Variants in UBAP2L observed in about 807,000 individuals in gnomAD.
The protein encoded by UBAP2L is ubiquitin-associated protein 2-like.
A neutral mutation model predicts 130.6 loss-of-function variants in UBAP2L; 12 were observed. The ratio of observed to expected loss-of-function variants is 0.09; its 90% confidence interval spans 0.06 to 0.15. The LOEUF is 0.15. UBAP2L is among the 10% of genes least tolerant of loss of function. UBAP2L has a pLI of 1.00. For synonymous variants in UBAP2L, 503 were observed against 524.7 expected, an observed-to-expected ratio of 0.96 and a Z score of 0.57; for missense variants, 965 against 1,332.5, an observed-to-expected ratio of 0.72 and a Z score of 4.29.
At chr1:154,263,932 T>TA (rs1204300988) in intron 24 of UBAP2L, among the ~76,000 whole-genome samples, 1 of 152,220 alleles carries the variant, frequency 6.6e-6, no homozygotes, top group South Asian at 2.1e-4. Context: ...TAAGATCTGA[T>TA]AAAGTCATTA....
chr1:154,235,484 C>G (rs1671351989), intron 6 of UBAP2L, among the ~76,000 whole-genome samples, 193 bp downstream of exon 6: 1 of 152,062 alleles, frequency 6.6e-6, no homozygotes, highest in South Asian at 2.1e-4. Flanking sequence ...TCCCTAGTAG[C>G]TAAGACTACA....
Position 154,270,585 on chromosome 1 carries a change from C to T in UBAP2L, c.*290C>T. The T allele has an allele frequency of 1.4e-6, 2 of 1,417,098 alleles. No homozygotes were observed. The highest frequency in any genetic ancestry group is 1.8e-4 in the Middle Eastern group (1 of 5,426). 87.8% of individuals were successfully genotyped at this position (1,417,098 alleles called of 1,614,324 possible). A position where few individuals can be genotyped will look rare whatever the true frequency, so the allele number is the denominator to read the frequency against. On this transcript the variant is annotated 3_prime_UTR_variant, in exon 27 of 27. Transcript: ENST00000428931. ...TATGGGCCCTGCACTTCCTTTGCTT[C>T]CTCCTGTTCACCCTGGTGGTGTACG...
Position 154,270,645 on chromosome 1 carries a change from T to G in UBAP2L, c.*350T>G. The G allele has an allele frequency of 7.1e-7, 1 of 1,407,704 alleles. No individual in the cohort carries two copies. Among genetic ancestry groups the G allele is most frequent in the South Asian group, 1.6e-5 (1 of 61,484 alleles). The allele number at this position is 1,407,704 out of a possible 1,614,324, so 87.2% of individuals were successfully genotyped here. ...GGGAGGTGGGACCCCCAAACATATA[T>G]CAGCCCAACAGCCCTAAGTCTCCTT... is the stretch of plus-strand genomic sequence containing the variant. On this transcript the variant is annotated 3_prime_UTR_variant, in exon 27 of 27. Coordinates refer to ENST00000428931, the MANE Select transcript of UBAP2L (RefSeq NM_014847.4).
At chr1:154,230,356 G>A (rs1669431674) in intron 4 of UBAP2L, among the ~76,000 whole-genome samples, 1 of 152,210 alleles carries the variant, frequency 6.6e-6, no homozygotes, top group African/African-American at 2.4e-5. Flanking sequence ...GCTAAATGCA[G>A]GAGGTTTGTC....
chr1:154,269,359 C>T (rs766692998), intron 26 of UBAP2L: 1 of 1,325,698 alleles, frequency 7.5e-7, no homozygotes, highest in South Asian at 1.2e-5. Context: ...GGTTCTGCCT[C>T]AGCTACCATA....
At chr1:154,233,619 G>A (rs932734677) in intron 4 of UBAP2L, among the ~76,000 whole-genome samples, 2 of 150,492 alleles carry the variant, frequency 1.3e-5, no homozygotes, top group Non-Finnish European at 2.9e-5. Context: ...CACCGCACCT[G>A]GCCACCCAGC....
At chr1:154,248,155 CAG>C (rs1396114246) in intron 11 of UBAP2L, among the ~76,000 whole-genome samples, 15 of 151,928 alleles carry the variant, frequency 9.9e-5, no homozygotes, top group African/African-American at 3.6e-4. Context: ...TTAGCAGAGA[CAG>C]GGTTTCACCA....
chr1:154,254,331 G>A (rs1678893632), intron 15 of UBAP2L, among the ~76,000 whole-genome samples: 1 of 152,214 alleles, frequency 6.6e-6, no homozygotes, highest in South Asian at 2.1e-4. Context: ...AGTAGAATCA[G>A]TCTCAAGTGC....
At chr1:154,251,457 TTC>T in intron 13 of UBAP2L, 22 bp from the exon 14 acceptor site, 1 of 1,608,784 alleles carries the variant, frequency 6.2e-7, no homozygotes. Context: ...AGCCATTACT[TTC>T]TCTTCTCCTT....
chr1:154,221,834 A>G (rs548838371), intron 1 of UBAP2L, among the ~76,000 whole-genome samples: 1 of 152,358 alleles, frequency 6.6e-6, no homozygotes, highest in African/African-American at 2.4e-5. Context: ...TTATTTGGGA[A>G]GCTGGACATG....
intron 5 of UBAP2L, 145 bp downstream of exon 5, chr1:154,234,904 A>G (rs999545154): frequency 9.1e-7 from 1 of 1,103,640 alleles, no homozygotes; most frequent in Non-Finnish European, 1.3e-6. Context: ...AGACCTTGAC[A>G]TCTCTTGCAT....
chr1:154,254,819 T>G lies in UBAP2L; in HGVS notation c.1855-17T>G. On this transcript the variant is annotated splice_polypyrimidine_tract_variant and intron_variant, in intron 15 of 26. Coordinates refer to ENST00000428931, the MANE Select transcript of UBAP2L (RefSeq NM_014847.4). ...TTTGTCTGTTTCTTGCTCTTCTGTT[T>G]TTTTTTTTTTTACCAGAATGGCTTC... The G allele has an allele frequency of 6.3e-7, 1 of 1,578,872 alleles. No individual in the cohort carries two copies. The highest frequency in any genetic ancestry group is 8.6e-7 in the Non-Finnish European group (1 of 1,159,668).
rs933139520 is a variant in UBAP2L, at chr1:154,266,354, C to A, written c.2903-147C>A. ...GAGCTTTTGTTTCATGAACTCTTAC[C>A]TCTCAGGACTAACTTGAAGCTGGAA... On this transcript the variant is annotated intron_variant, in intron 24 of 26. Coordinates refer to ENST00000428931, the MANE Select transcript of UBAP2L (RefSeq NM_014847.4). 3 of 773,202 alleles carry A rather than the reference C, an allele frequency of 3.9e-6. No homozygotes were observed. The Admixed American group carries it at 5.9e-5, about 15-fold the overall frequency. 47.9% of individuals were successfully genotyped at this position (773,202 alleles called of 1,614,324 possible).
intron 18 of UBAP2L, among the ~76,000 whole-genome samples, 190 bp downstream of exon 18, chr1:154,255,945 C>G (rs1329851934): frequency 2.0e-5 from 3 of 152,206 alleles, no homozygotes; most frequent in African/African-American, 7.2e-5. Flanking sequence ...AAACATTGAG[C>G]TCTGGGTCAT....
Position 154,270,701 on chromosome 1 carries a change from A to C in UBAP2L, c.*406A>C, listed in dbSNP as rs1179994444. The C allele has an allele frequency of 3.5e-6, 5 of 1,414,010 alleles. No homozygotes were observed. The highest frequency in any genetic ancestry group is 4.6e-6 in the Non-Finnish European group (5 of 1,090,608). The allele number at this position is 1,414,010 out of a possible 1,614,324, so 87.6% of individuals were successfully genotyped here. A position where few individuals can be genotyped will look rare whatever the true frequency, so the allele number is the denominator to read the frequency against. ...TTATTAGGAAAACAACAACAACAAC[A>C]AACAAAAAAATGGCGTCATGAATAT... On this transcript the variant is annotated 3_prime_UTR_variant, in exon 27 of 27. Transcript: ENST00000428931.
chr1:154,261,814 G>A, intron 24 of UBAP2L, 117 bp downstream of exon 24: 1 of 1,010,984 alleles, frequency 9.9e-7, no homozygotes. Context: ...CGCTGCCCCA[G>A]GTATGATTGT....
At chr1:154,239,118 C>T (rs1035364277) in intron 8 of UBAP2L, among the ~76,000 whole-genome samples, 2 of 151,800 alleles carry the variant, frequency 1.3e-5, no homozygotes, top group African/African-American at 4.8e-5. Flanking sequence ...CTTGAGTTTC[C>T]CCTTTAAATT....
Position 154,270,719 on chromosome 1 carries a change from A to C in UBAP2L, c.*424A>C. On this transcript the variant is annotated 3_prime_UTR_variant, in exon 27 of 27. Coordinates refer to ENST00000428931, the MANE Select transcript of UBAP2L (RefSeq NM_014847.4). Reference sequence around the variant, plus strand: ...CAACAACAAACAAAAAAATGGCGTCATGAATATGAACAGCATTGTCAGATG... The same window carrying C: ...CAACAACAAACAAAAAAATGGCGTCCTGAATATGAACAGCATTGTCAGATG... 1 of 1,411,028 alleles carries C rather than the reference A, an allele frequency of 7.1e-7. No homozygotes were observed. The allele number at this position is 1,411,028 out of a possible 1,614,324, so 87.4% of individuals were successfully genotyped here.
At chr1:154,250,987 T>C (rs1677428339) in intron 12 of UBAP2L, 54 bp from the exon 13 acceptor site, 14 of 1,550,256 alleles carry the variant, frequency 9.0e-6, no homozygotes, top group Non-Finnish European at 1.2e-5. Flanking sequence ...ACAATAGCAT[T>C]TCCTTGAGAT....
Sources: gnomAD v4.1 joint callset for allele counts (sites outside exome capture counted in the v4.1 genomes callset) on GRCh38, gnomAD v4.1.1 for gene constraint, MANE v1.5 for transcripts, NCBI Gene and HGNC (gene_info 2026-07-23, HGNC 2026-07-21) for gene names.